The following SGCD variants were observed in gnomAD, a reference collection of about 807,000 sequenced individuals.
SGCD encodes sarcoglycan delta.
Under a neutral mutation model 36.6 loss-of-function variants are expected in SGCD, and 18 were observed. That is an observed-to-expected ratio of 0.49 (90% CI 0.34 to 0.73). The LOEUF (loss-of-function observed/expected upper bound fraction) is 0.73. SGCD is among the 30% of genes least tolerant of loss of function. SGCD has a pLI of 0.01. For synonymous variants in SGCD, 133 were observed against 130.6 expected (o/e 1.02, Z -0.12); for missense variants, 387 against 346.7 (o/e 1.12, Z -0.92).
chr5:156,478,474 G>A (rs1755287559), intron 3 of SGCD, among the ~76,000 whole-genome samples: 1 of 152,198 alleles, frequency 6.6e-6, no homozygotes, highest in Non-Finnish European at 1.5e-5. Context: ...AATCCATGGA[G>A]CTATCCTACT....
chr5:156,087,703 T>G (rs1359895146), intron 1 of SGCD, among the ~76,000 whole-genome samples: 1 of 151,408 alleles, frequency 6.6e-6, no homozygotes, highest in Non-Finnish European at 1.5e-5. Flanking sequence ...ATGCATGTGG[T>G]ACATTTTGCC....
rs182560226 is a variant in SGCD, at chr5:156,539,060, G to A, written c.294+30358G>A. 2.1e-3 allele frequency among the ~76,000 whole-genome samples: 319 copies of A among 151,898 alleles called. 2 individuals are homozygous for A. Among genetic ancestry groups the A allele is most frequent in the Middle Eastern group, 0.01 (3 of 294 alleles). On this transcript the variant is annotated intron_variant, in intron 4 of 8. Transcript: ENST00000337851. ...GGAGATTCTGACAGAAGGTGCCCTG[G>A]GGTCCTTCTAAAATCAGGACAAAAA...
chr5:156,619,058 C>T (rs1048698149), intron 6 of SGCD, among the ~76,000 whole-genome samples: 2 of 149,914 alleles, frequency 1.3e-5, no homozygotes, highest in Non-Finnish European at 3.0e-5. Context: ...CAGCGTATCG[C>T]TCTGTTGCCC....
intron 2 of SGCD, among the ~76,000 whole-genome samples, chr5:156,338,443 AG>A (rs1768474005): frequency 6.6e-6 from 1 of 152,210 alleles, no homozygotes; most frequent in African/African-American, 2.4e-5. Context: ...ATGACCTGTA[AG>A]AAGAGGAGCA....
intron 1 of SGCD, among the ~76,000 whole-genome samples, chr5:155,938,750 T>C (rs1294506958): frequency 6.6e-6 from 1 of 152,220 alleles, no homozygotes; most frequent in Non-Finnish European, 1.5e-5. Context: ...TTAAGTCCTT[T>C]ACATGTCTAT....
At chr5:156,099,711 G>A (rs761944428) in intron 1 of SGCD, among the ~76,000 whole-genome samples, 12 of 151,986 alleles carry the variant, frequency 7.9e-5, no homozygotes, top group Non-Finnish European at 7.4e-5. Flanking sequence ...CACTGTGCTC[G>A]GCCTATTTAA....
At chr5:156,597,589 T>C (rs1466526889) in intron 6 of SGCD, among the ~76,000 whole-genome samples, 1 of 152,198 alleles carries the variant, frequency 6.6e-6, no homozygotes, top group African/African-American at 2.4e-5. Flanking sequence ...GTTGCTACAA[T>C]TCAAGATCAG....
chr5:155,942,940 C>G (rs1757359959), intron 1 of SGCD, among the ~76,000 whole-genome samples: 1 of 152,184 alleles, frequency 6.6e-6, no homozygotes, highest in Non-Finnish European at 1.5e-5. Context: ...CTATGTTCTT[C>G]ATGAACATTC....
At chr5:156,244,524 G>A (rs373005650) in intron 3 of SGCD, among the ~76,000 whole-genome samples, 2 of 152,148 alleles carry the variant, frequency 1.3e-5, no homozygotes, top group South Asian at 2.1e-4. Context: ...GGGACATTGG[G>A]TTCAGTGTTT....
chr5:155,783,786 C>T, the SGCD span, among the ~76,000 whole-genome samples: 1 of 152,170 alleles, frequency 6.6e-6, no homozygotes, highest in Non-Finnish European at 1.5e-5. Context: ...CTAAAGCATT[C>T]TCTTCCCTTT....
chr5:156,544,592 G>A (rs1197863975), intron 4 of SGCD, among the ~76,000 whole-genome samples: 3 of 151,296 alleles, frequency 2.0e-5, no homozygotes, highest in Admixed American at 1.3e-4. Flanking sequence ...TTGAAGGAAG[G>A]TAGGGTTTTT....
intron 1 of SGCD, among the ~76,000 whole-genome samples, chr5:155,898,009 G>A (rs979193336): frequency 3.9e-5 from 6 of 152,166 alleles, no homozygotes; most frequent in Admixed American, 6.5e-5. Context: ...ATGGATTAAC[G>A]AATGAGTATA....
In SGCD at chr5:156,263,540, G is replaced by A. The variant is rs997444707; in HGVS notation, c.-43-65994G>A. On this transcript the variant is annotated intron_variant, in intron 3 of 9. Transcript: ENST00000517913. The stretch of plus-strand genomic sequence containing the variant: ...TTGTGAAGATTTTCTCCCACTCTGT[G>A]GGTTGTCTCTTTATTTTGCTGATTG... Among the ~76,000 whole-genome samples, 17 of 152,146 alleles carry A rather than the reference G, an allele frequency of 1.1e-4. No homozygotes were observed. The East Asian group carries it at 3.3e-3, about 29-fold the overall frequency.
intron 1 of SGCD, among the ~76,000 whole-genome samples, chr5:156,070,767 C>G (rs1182031467): frequency 6.6e-6 from 1 of 152,044 alleles, no homozygotes; most frequent in Non-Finnish European, 1.5e-5. Flanking sequence ...GTCCTGCACT[C>G]TTTTTGGTTG....
chr5:156,728,508 C>CAAAAAAAA (rs34726270), intron 7 of SGCD, among the ~76,000 whole-genome samples: 1 of 46,554 alleles, frequency 2.1e-5, no homozygotes, highest in Non-Finnish European at 3.6e-5. Flanking sequence ...GAGACTCTGT[C>CAAAAAAAA]AAAAAAAAAA....
intron 1 of SGCD, among the ~76,000 whole-genome samples, chr5:155,934,497 G>T (rs1045178429): frequency 6.6e-6 from 1 of 152,138 alleles, no homozygotes; most frequent in African/African-American, 2.4e-5. Flanking sequence ...TAAAATGAGT[G>T]TTTCCAACTT....
intron 3 of SGCD, among the ~76,000 whole-genome samples, chr5:156,500,518 C>T (rs1756398125): frequency 6.6e-6 from 1 of 152,114 alleles, no homozygotes; most frequent in Non-Finnish European, 1.5e-5. Flanking sequence ...AATGTGCTGA[C>T]AGAATTAAAA....
At chr5:156,744,950 A>C (rs1237946285) in intron 7 of SGCD, among the ~76,000 whole-genome samples, 1 of 152,214 alleles carries the variant, frequency 6.6e-6, no homozygotes, top group East Asian at 1.9e-4. Context: ...AAAACTATTA[A>C]GATTATTCAA....
At chr5:156,634,254 G>T (rs1031201834) in intron 6 of SGCD, among the ~76,000 whole-genome samples, 3 of 151,852 alleles carry the variant, frequency 2.0e-5, no homozygotes, top group Non-Finnish European at 2.9e-5. Flanking sequence ...GCGTCACTGG[G>T]GCCTGTTGGG....
Sources: allele counts gnomAD v4.1 joint callset (sites outside exome capture counted in the v4.1 genomes callset), GRCh38; gene constraint gnomAD v4.1.1; transcripts MANE v1.5; gene names NCBI Gene and HGNC (gene_info 2026-07-23, HGNC 2026-07-21).